CEP120: variants seen among roughly 807,000 people sequenced by gnomAD.
CEP120 encodes the protein centrosomal protein 120.
A neutral mutation model predicts 126.5 loss-of-function variants in CEP120; 113 were observed. The ratio of observed to expected loss-of-function variants is 0.89; its 90% CI spans 0.77 to 1.04. The LOEUF (loss-of-function observed/expected upper bound fraction) is 1.04, where lower values mean the gene tolerates loss of function less well. Ranked by LOEUF, CEP120 falls within the 50% of genes least tolerant of loss-of-function variation. CEP120 has a pLI of 0.00. For synonymous variants in CEP120, 400 were observed against 394.3 expected (o/e 1.01, Z -0.17); for missense variants, 1,230 against 1,155.7 (o/e 1.06, Z -0.93).
chr5:123,364,900 A>C (rs887550224), intron 17 of CEP120, among the ~76,000 whole-genome samples: 1 of 151,638 alleles, frequency 6.6e-6, no homozygotes, highest in Non-Finnish European at 1.5e-5. Context: ...TAGAGTGAGA[A>C]ATACATTCAT....
At chr5:123,381,368 A>G (rs895199276) in intron 14 of CEP120, among the ~76,000 whole-genome samples, 2 of 138,696 alleles carry the variant, frequency 1.4e-5, no homozygotes, top group South Asian at 4.9e-4. Context: ...GGAGGGGGTT[A>G]TAGAGAGAAG....
At chr5:123,397,508 T>A (rs1772865550) in intron 5 of CEP120, among the ~76,000 whole-genome samples, 2 of 152,134 alleles carry the variant, frequency 1.3e-5, no homozygotes, top group Non-Finnish European at 2.9e-5. Flanking sequence ...TAACAATCCA[T>A]AAGCAGACCT....
intron 5 of CEP120, among the ~76,000 whole-genome samples, chr5:123,397,968 C>G (rs1300090127): frequency 6.6e-6 from 1 of 152,090 alleles, no homozygotes; most frequent in Admixed American, 6.5e-5. Context: ...CCTATAATCC[C>G]AGCTACTCAG....
chr5:123,404,503 G>A (rs1227102096), intron 4 of CEP120, among the ~76,000 whole-genome samples: 2 of 152,196 alleles, frequency 1.3e-5, no homozygotes, highest in African/African-American at 4.8e-5. Flanking sequence ...TGCATTGGAA[G>A]AGCGTGTACA....
intron 4 of CEP120, among the ~76,000 whole-genome samples, chr5:123,405,633 C>T (rs1773591978): frequency 1.3e-5 from 2 of 152,118 alleles, no homozygotes; most frequent in African/African-American, 2.4e-5. Context: ...AACTGAGAAG[C>T]AATGGTGAAG....
chr5:123,353,954 T>C (rs537265929), intron 18 of CEP120, among the ~76,000 whole-genome samples: 1 of 152,208 alleles, frequency 6.6e-6, no homozygotes, highest in East Asian at 1.9e-4. Flanking sequence ...ATTCATCTTA[T>C]TTCCTTGCTC....
chr5:123,377,311 T>A, intron 16 of CEP120, 63 bp downstream of exon 16: 1 of 1,490,066 alleles, frequency 6.7e-7, no homozygotes, highest in Non-Finnish European at 9.2e-7. Flanking sequence ...TAGTGAACTA[T>A]TTCTCTTATT....
chr5:123,393,715 G>C (rs1772559773), intron 5 of CEP120, among the ~76,000 whole-genome samples: 1 of 152,106 alleles, frequency 6.6e-6, no homozygotes, highest in Non-Finnish European at 1.5e-5. Context: ...AGACTTTATA[G>C]ATTTATGTTG....
At position 123,378,295 on chromosome 5, in the gene CEP120, C is replaced by T. The variant is rs79535450; in HGVS notation, c.2196+41G>A. 328,790 of 1,433,508 alleles carry T rather than the reference C, an allele frequency of 0.23. 40,685 individuals carry two copies. The highest frequency in any genetic ancestry group is 0.3 in the African/African-American group (20,479 of 68,202). The allele number at this position is 1,433,508 out of a possible 1,614,324, so 88.8% of individuals were successfully genotyped here. A position where few individuals can be genotyped will look rare whatever the true frequency, so the allele number is the denominator to read the frequency against. On this transcript the variant is annotated intron_variant, in intron 15 of 19. Transcript: ENST00000306467. ...ATAGTATTTCTACTTTGCAATAAAC[C>T]CCTCTATGCTGAAAAAAAATACAAT...
rs960672074 is a variant in CEP120, at chr5:123,388,666, G to A, written c.1256-60C>T. 3.8e-5 allele frequency: 50 copies of A among 1,321,150 alleles called. No homozygotes were observed. The African/African-American group carries it at 6.5e-4, about 17-fold the overall frequency. The allele number at this position is 1,321,150 out of a possible 1,614,324, so 81.8% of individuals were successfully genotyped here. A position where few individuals can be genotyped will look rare whatever the true frequency, so the allele number is the denominator to read the frequency against. On this transcript the variant is annotated intron_variant, in intron 8 of 19. Coordinates refer to ENST00000306467, the MANE Select transcript of CEP120 (RefSeq NM_001375405.1). ...ACTTGCTAACAGTTTCTCTTAAATT[G>A]TACAGATAGTTTAAGGCTATCATCT...
intron 3 of CEP120, among the ~76,000 whole-genome samples, chr5:123,413,957 A>G (rs1406451159): frequency 3.3e-5 from 5 of 152,222 alleles, no homozygotes; most frequent in Non-Finnish European, 5.9e-5. Context: ...GAATCAATTT[A>G]TTTTGAACTT....
intron 16 of CEP120, among the ~76,000 whole-genome samples, chr5:123,375,747 C>A (rs1771168980): frequency 6.6e-6 from 1 of 152,098 alleles, no homozygotes; most frequent in Non-Finnish European, 1.5e-5. Flanking sequence ...AGAAGAGAAG[C>A]ATTACTGGTG....
At chr5:123,402,492 C>A (rs1456350280) in intron 4 of CEP120, 1 of 530,668 alleles carries the variant, frequency 1.9e-6, no homozygotes, top group Admixed American at 4.0e-5. Flanking sequence ...CTTACTGCAA[C>A]CTCTGCCCCC....
rs1243930344 is a variant in CEP120, at chr5:123,345,805, A to G, written c.*714T>C. On this transcript the variant is annotated 3_prime_UTR_variant, in exon 20 of 20. Transcript: ENST00000306467. ...AACTGGAAAATAAAAAGAAATCTCTAATTTTAACAAAAGAAAACAATGCAA... is the reference window on the plus strand; with the variant it reads ...AACTGGAAAATAAAAAGAAATCTCTGATTTTAACAAAAGAAAACAATGCAA... 6.6e-6 allele frequency: 1 copy of G among 152,190 alleles called. No homozygotes were observed. The highest frequency in any genetic ancestry group is 1.5e-5 in the Non-Finnish European group (1 of 68,040). The allele number at this position is 152,190 out of a possible 1,614,324, so 9.4% of individuals were successfully genotyped here. A position where few individuals can be genotyped will look rare whatever the true frequency, so the allele number is the denominator to read the frequency against.
intron 4 of CEP120, among the ~76,000 whole-genome samples, chr5:123,406,605 C>G (rs1157537538): frequency 1.4e-5 from 2 of 148,112 alleles, no homozygotes; most frequent in African/African-American, 2.5e-5. Context: ...AAAAAACCAC[C>G]ACCCTAGAAT....
chr5:123,346,399 AT>A lies in CEP120; in HGVS notation c.*119del. ...TAAATACTATACAATAACATACAAA[AT>A]TTTGCTTATAAAAAATTGAAAATAC... On this transcript the variant is annotated 3_prime_UTR_variant, in exon 20 of 20. Coordinates refer to ENST00000306467, the MANE Select transcript of CEP120 (RefSeq NM_001375405.1). The A allele has an allele frequency of 1.5e-6, 1 of 682,842 alleles. No homozygotes were observed. The highest frequency in any genetic ancestry group is 2.7e-5 in the East Asian group (1 of 36,364). 42.3% of individuals were successfully genotyped at this position (682,842 alleles called of 1,614,324 possible). A position where few individuals can be genotyped will look rare whatever the true frequency, so the allele number is the denominator to read the frequency against.
intron 4 of CEP120, among the ~76,000 whole-genome samples, chr5:123,406,564 A>C (rs1580728799): frequency 6.8e-6 from 1 of 146,708 alleles, no homozygotes; most frequent in African/African-American, 2.5e-5. Flanking sequence ...AGAAGGGTAG[A>C]GTGAAGTATT....
chr5:123,393,471 T>G lies in CEP120; in HGVS notation c.639A>C (p.Pro213=). 1 of 1,614,028 alleles carries G rather than the reference T, an allele frequency of 6.2e-7. No homozygotes were observed. The highest frequency in any genetic ancestry group is 8.5e-7 in the Non-Finnish European group (1 of 1,179,918). ...EQLIPCTMKL[P]ERQPEFFFYY... is the part of the protein sequence containing the mutation. ...AAAAGAAAAACTCAGGCTGTCTTTCTGGAAGTTTCATGGTACATGGAATTA... is the reference window on the plus strand; with the variant it reads ...AAAAGAAAAACTCAGGCTGTCTTTCGGGAAGTTTCATGGTACATGGAATTA... The change falls in exon 6 of 20, where the codon CCA becomes CCC. Residue 213 remains proline, a synonymous_variant. Coordinates refer to ENST00000306467, the MANE Select transcript of CEP120 (RefSeq NM_001375405.1).
intron 4 of CEP120, chr5:123,402,062 C>A: frequency 6.3e-7 from 1 of 1,592,074 alleles, no homozygotes; most frequent in Non-Finnish European, 8.6e-7. Context: ...GGGTCTTGAT[C>A]TGCTCCTTCT....
Sources: gnomAD v4.1 joint callset for allele counts (sites outside exome capture counted in the v4.1 genomes callset) on GRCh38, gnomAD v4.1.1 for gene constraint, MANE v1.5 for transcripts, NCBI Gene and HGNC (gene_info 2026-07-23, HGNC 2026-07-21) for gene names.